The following INPP5F variants were observed in gnomAD, a reference collection of about 807,000 sequenced individuals.
The protein encoded by INPP5F is phosphatidylinositide 4-phosphatase SAC2.
In INPP5F, 97 loss-of-function variants were observed where a neutral mutation model predicts 137.2. The ratio of observed to expected loss-of-function variants is 0.71; its 90% CI spans 0.60 to 0.84. The LOEUF (loss-of-function observed/expected upper bound fraction) is 0.84. Among genes scored for constraint, INPP5F ranks in the 40% least tolerant of loss-of-function variants. The pLI is 0.00. For missense variants in INPP5F, 1,271 were observed against 1,371.9 expected, an observed-to-expected ratio of 0.93 and a Z score of 1.16; for synonymous variants, 504 against 476.9, an observed-to-expected ratio of 1.06 and a Z score of -0.74.
At chr10:119,727,952 A>G (rs1026184181) in intron 1 of INPP5F, among the ~76,000 whole-genome samples, 12 of 152,222 alleles carry the variant, frequency 7.9e-5, no homozygotes, top group African/African-American at 2.4e-4. Context: ...AGCTTAGACT[A>G]TTAGAACTGG....
At chr10:119,808,212 G>A (rs1367128377) in intron 13 of INPP5F, 152 bp downstream of exon 13, 1 of 860,518 alleles carries the variant, frequency 1.2e-6, no homozygotes, top group Non-Finnish European at 1.7e-6. Context: ...GCCAGGTAAT[G>A]TGACTCAAGC....
chr10:119,818,387 G>A (rs1851376904), intron 15 of INPP5F, among the ~76,000 whole-genome samples: 1 of 152,236 alleles, frequency 6.6e-6, no homozygotes. Context: ...TAATGGAGTG[G>A]CCAGGCACGC....
chr10:119,732,271 A>G (rs1199662924), intron 1 of INPP5F, among the ~76,000 whole-genome samples: 3 of 152,002 alleles, frequency 2.0e-5, no homozygotes, highest in Admixed American at 6.5e-5. Flanking sequence ...TTCTGAGCTC[A>G]GGTATTCTGC....
chr10:119,803,259 A>G (rs997621451), intron 9 of INPP5F, among the ~76,000 whole-genome samples: 7 of 152,304 alleles, frequency 4.6e-5, no homozygotes, highest in Admixed American at 2.6e-4. Context: ...TTCTAGCTCT[A>G]TTATCATTAG....
At position 119,793,394 on chromosome 10, in the gene INPP5F, TAAAACAAAAC is replaced by T. The variant is rs59082717; in HGVS notation, c.669+1217_669+1226del. 9.2e-3 allele frequency among the ~76,000 whole-genome samples: 1,376 copies of T among 149,608 alleles called. 40 individuals are homozygous for T. In the South Asian group the frequency reaches 0.12, roughly 13 times the overall value. On this transcript the variant is annotated intron_variant, in intron 6 of 19. Coordinates refer to ENST00000650623, the MANE Select transcript of INPP5F (RefSeq NM_014937.4). ...CCTAAGATCCTATCTGCAGGCTGCA[TAAAACAAAAC>T]AAAACAAAACAAAACAAAACAAAAC...
chr10:119,796,191 T>A (rs748870225), intron 6 of INPP5F, among the ~76,000 whole-genome samples: 4 of 152,180 alleles, frequency 2.6e-5, no homozygotes, highest in Non-Finnish European at 5.9e-5. Context: ...GATTTTAGCT[T>A]CAGGAATTGA....
At chr10:119,789,342 A>G (rs1293477071) in intron 3 of INPP5F, among the ~76,000 whole-genome samples, 1 of 152,304 alleles carries the variant, frequency 6.6e-6, no homozygotes, top group Non-Finnish European at 1.5e-5. Context: ...TAAAAGAGTT[A>G]TTCATATGAC....
chr10:119,788,211 G>A (rs892437810), intron 3 of INPP5F, among the ~76,000 whole-genome samples: 6 of 152,140 alleles, frequency 3.9e-5, no homozygotes, highest in African/African-American at 7.2e-5. Flanking sequence ...GAGATGCTGA[G>A]TCTGAGGGTC....
intron 2 of INPP5F, among the ~76,000 whole-genome samples, chr10:119,779,446 A>G (rs1320013526): frequency 6.6e-6 from 1 of 151,544 alleles, no homozygotes; most frequent in Non-Finnish European, 1.5e-5. Context: ...ATGAGACGGG[A>G]TCTTTCCTTG....
chr10:119,738,321 T>A (rs1310168749), intron 1 of INPP5F, among the ~76,000 whole-genome samples: 1 of 152,248 alleles, frequency 6.6e-6, no homozygotes, highest in Non-Finnish European at 1.5e-5. Context: ...TATTTGTGAA[T>A]TTTAAATTTT....
chr10:119,726,674 TC>T (rs1847903008), intron 1 of INPP5F, among the ~76,000 whole-genome samples: 1 of 152,196 alleles, frequency 6.6e-6, no homozygotes, highest in South Asian at 2.1e-4. Flanking sequence ...GGCAGAAAGT[TC>T]CAGCAAGGTG....
rs554352548 is a variant in INPP5F at position 119,777,093 on chromosome 10, G to A, written c.179-4542G>A. ...ACAATTTTTAAAGGGCTGGTGCCTTGCTGTGTTGCCAGGCTGTTTTTGAAC... is the reference window on the plus strand; with the variant it reads ...ACAATTTTTAAAGGGCTGGTGCCTTACTGTGTTGCCAGGCTGTTTTTGAAC... On this transcript the variant is annotated intron_variant, in intron 2 of 19. Transcript: ENST00000650623. Among the ~76,000 whole-genome samples the A allele has an allele frequency of 3.4e-4, 51 of 152,148 alleles. 1 individual carries two copies. The South Asian group carries it at 0.01, about 30-fold the overall frequency.
chr10:119,795,236 G>A (rs1329684293), intron 6 of INPP5F, among the ~76,000 whole-genome samples: 1 of 151,142 alleles, frequency 6.6e-6, no homozygotes, highest in African/African-American at 2.4e-5. Context: ...CCTGGACGGG[G>A]CGGCTGGCCG....
intron 15 of INPP5F, chr10:119,819,368 A>T: frequency 7.6e-7 from 1 of 1,313,222 alleles, no homozygotes; most frequent in Non-Finnish European, 9.8e-7. Context: ...CTTTTTGTTA[A>T]GGACATAATG....
intron 15 of INPP5F, among the ~76,000 whole-genome samples, chr10:119,817,495 CCAA>C (rs547159069): frequency 1.2e-3 from 188 of 152,290 alleles, no homozygotes; most frequent in African/African-American, 4.4e-3. Context: ...CCAATCTTTG[CCAA>C]CACTTATTTT....
At chr10:119,729,092 G>C (rs1390847886) in intron 1 of INPP5F, among the ~76,000 whole-genome samples, 1 of 151,574 alleles carries the variant, frequency 6.6e-6, no homozygotes, top group Non-Finnish European at 1.5e-5. Context: ...TTAAAAATAA[G>C]ATGTTGTATT....
intron 11 of INPP5F, 40 bp from the exon 12 acceptor site, chr10:119,806,320 A>AT: frequency 7.2e-7 from 1 of 1,390,588 alleles, no homozygotes. Context: ...AAACCCTATT[A>AT]TTTTATATTG....
At chr10:119,746,589 C>A (rs548698157) in intron 1 of INPP5F, among the ~76,000 whole-genome samples, 19 of 152,138 alleles carry the variant, frequency 1.2e-4, no homozygotes, top group Non-Finnish European at 2.4e-4. Context: ...TCAGTAAATA[C>A]GGTAACTGAT....
In INPP5F at chr10:119,820,750, A is replaced by AT. The variant is rs910294623; in HGVS notation, c.1887-90dup. ...TTCTTCTTTTCCCTCCCCCTGGCCAATTTTTTGTCCTAAGTAGCTCTGCTG... is the reference window on the plus strand; with the variant it reads ...TTCTTCTTTTCCCTCCCCCTGGCCAATTTTTTTGTCCTAAGTAGCTCTGCTG... On this transcript the variant is annotated intron_variant, in intron 15 of 19. Transcript: ENST00000650623. 2.9e-5 allele frequency: 27 copies of AT among 944,810 alleles called. No individual in the cohort carries two copies. The Admixed American group carries it at 4.2e-4, about 15-fold the overall frequency. The allele number at this position is 944,810 out of a possible 1,614,324, so 58.5% of individuals were successfully genotyped here.
Sources: allele counts gnomAD v4.1 joint callset (sites outside exome capture counted in the v4.1 genomes callset), GRCh38; gene constraint gnomAD v4.1.1; transcripts MANE v1.5; gene names NCBI Gene and HGNC (gene_info 2026-07-23, HGNC 2026-07-21).